The following MLIP variants were observed in gnomAD, a reference collection of about 807,000 sequenced individuals.
MLIP encodes the protein muscular LMNA interacting protein.
In MLIP, 79 loss-of-function variants were observed where a neutral mutation model predicts 84.8. That is an observed-to-expected ratio of 0.93 (90% confidence interval 0.78 to 1.12). The LOEUF (loss-of-function observed/expected upper bound fraction) is 1.12, where lower values mean the gene tolerates loss of function less well. Among genes scored for constraint, MLIP ranks in the 50% most tolerant of loss-of-function variants. The pLI is 0.00. For missense variants in MLIP, 1,257 were observed against 1,160.6 expected (o/e 1.08, Z -1.21); for synonymous variants, 504 against 463.0 (o/e 1.09, Z -1.14).
intron 1 of MLIP, among the ~76,000 whole-genome samples, chr6:54,037,143 C>T (rs1330841509): frequency 2.6e-5 from 4 of 152,014 alleles, no homozygotes; most frequent in East Asian, 1.9e-4. Flanking sequence ...TTTTACATGT[C>T]GTGCTGATTT....
At chr6:54,198,958 A>G (rs1372176027) in intron 10 of MLIP, among the ~76,000 whole-genome samples, 1 of 151,952 alleles carries the variant, frequency 6.6e-6, no homozygotes, top group Non-Finnish European at 1.5e-5. Context: ...TACAGTCACC[A>G]GGAACTGAAA....
In MLIP at chr6:54,249,680, TTTTGGGGAAATGTC is replaced by T. The variant is rs562332253; in HGVS notation, c.2923-7615_2923-7602del. On this transcript the variant is annotated intron_variant, in intron 12 of 13. Transcript: ENST00000502396. Reference sequence around the variant, plus strand: ...ACCTATTCTCAAGCAGCTTGCAGTCTTTTGGGGAAATGTCTTTGGGGAAATGAGGAACACACACA... The same window carrying T: ...ACCTATTCTCAAGCAGCTTGCAGTCTTTTGGGGAAATGAGGAACACACACA... 8.1e-4 allele frequency among the ~76,000 whole-genome samples: 123 copies of T among 151,520 alleles called. 1 individual carries two copies. The highest frequency in any genetic ancestry group is 1.6e-3 in the Non-Finnish European group (109 of 67,914).
intron 1 of MLIP, among the ~76,000 whole-genome samples, chr6:54,022,227 C>A (rs774502941): frequency 2.6e-5 from 4 of 152,130 alleles, no homozygotes; most frequent in Non-Finnish European, 5.9e-5. Context: ...ACACATTTCC[C>A]CTTGGAGACT....
chr6:54,257,190 C>A, intron 12 of MLIP, 118 bp from the exon 13 acceptor site: 1 of 698,334 alleles, frequency 1.4e-6, no homozygotes, highest in Non-Finnish European at 2.5e-6. Flanking sequence ...TTGGTAGAAT[C>A]CACTGTTATC....
rs75471833 is a variant in MLIP at position 54,126,462 on chromosome 6, C to G, written c.645+1597C>G. On this transcript the variant is annotated intron_variant, in intron 3 of 13. Coordinates refer to ENST00000502396, the MANE Select transcript of MLIP (RefSeq NM_001281747.2). ...GAGCTCTAAATAAAAAAGCAGAGCT[C>G]AACCTCATATATTAATTGTGGCTGA... Among the ~76,000 whole-genome samples the G allele has an allele frequency of 8.2e-4, 124 of 151,832 alleles. No individual in the cohort carries two copies. In the East Asian group the frequency reaches 0.012, roughly 14 times the overall value.
intron 8 of MLIP, among the ~76,000 whole-genome samples, chr6:54,161,864 T>C (rs1254252995): frequency 6.6e-6 from 1 of 151,886 alleles, no homozygotes; most frequent in Non-Finnish European, 1.5e-5. Context: ...AATCTAAAAC[T>C]TTGATTTGTC....
At chr6:54,193,872 G>A (rs574742384) in intron 10 of MLIP, among the ~76,000 whole-genome samples, 5 of 152,170 alleles carry the variant, frequency 3.3e-5, no homozygotes, top group East Asian at 1.9e-4. Context: ...AAAGGCCAGC[G>A]GGGTCTTTTT....
chr6:54,019,002 T>C, exon 1 of MLIP: 3 of 1,581,724 alleles, frequency 1.9e-6, no homozygotes, highest in Non-Finnish European at 2.6e-6. Flanking sequence ...TCTCTCAGTC[T>C]TTCTCTCTTT....
intron 1 of MLIP, among the ~76,000 whole-genome samples, chr6:54,092,229 TA>T (rs1212716785): frequency 6.6e-6 from 1 of 152,180 alleles, no homozygotes; most frequent in African/African-American, 2.4e-5. Context: ...CTTCCAGATT[TA>T]AATGGAACCA....
chr6:54,110,524 G>A (rs1769374414), upstream of MLIP, among the ~76,000 whole-genome samples: 1 of 152,074 alleles, frequency 6.6e-6, no homozygotes, highest in Non-Finnish European at 1.5e-5. Flanking sequence ...CTCCCACTGT[G>A]CTAATAGAAT....
chr6:54,040,671 CTATCAGTGG>C (rs1764693015), intron 1 of MLIP, among the ~76,000 whole-genome samples: 1 of 152,024 alleles, frequency 6.6e-6, no homozygotes, highest in Non-Finnish European at 1.5e-5. Context: ...ACCTAGGTGC[CTATCAGTGG>C]TGGATTAGAG....
chr6:54,101,831 G>A (rs1250657858), intron 1 of MLIP, among the ~76,000 whole-genome samples: 1 of 152,060 alleles, frequency 6.6e-6, no homozygotes, highest in African/African-American at 2.4e-5. Flanking sequence ...CTATTTTAAA[G>A]TTATATTCCA....
chr6:54,047,650 G>C (rs769658986), intron 1 of MLIP: 1 of 152,196 alleles, frequency 6.6e-6, no homozygotes, highest in African/African-American at 2.4e-5. Flanking sequence ...ACCTATCGAC[G>C]TGATGTCACT....
At chr6:54,189,514 T>C (rs151168213) in intron 9 of MLIP, among the ~76,000 whole-genome samples, 1 of 152,306 alleles carries the variant, frequency 6.6e-6, no homozygotes, top group Admixed American at 6.5e-5. Context: ...GATGCTGGTA[T>C]GTTTGATTAA....
intron 9 of MLIP, among the ~76,000 whole-genome samples, chr6:54,181,215 G>A (rs1481334013): frequency 6.6e-6 from 1 of 152,100 alleles, no homozygotes; most frequent in African/African-American, 2.4e-5. Context: ...TAGCACTCAA[G>A]CCACAATACA....
intron 1 of MLIP, among the ~76,000 whole-genome samples, chr6:54,048,400 A>T (rs1374896838): frequency 6.6e-6 from 1 of 152,116 alleles, no homozygotes; most frequent in Non-Finnish European, 1.5e-5. Flanking sequence ...CTTGGGGAGA[A>T]TGTGCATTTT....
At chr6:54,155,083 G>C (rs2150544283) in intron 5 of MLIP, among the ~76,000 whole-genome samples, 1 of 152,148 alleles carries the variant, frequency 6.6e-6, no homozygotes, top group East Asian at 1.9e-4. Flanking sequence ...ACCAACTAGA[G>C]TTCTTCAGTT....
chr6:54,057,112 C>A lies in MLIP; in HGVS notation c.63+38021C>A, dbSNP rs537466845. ...GGTGACTTTGGTATTACTTCTATCC[C>A]AGTTTTTCAGATCAAGAGACAAAGC... On this transcript the variant is annotated intron_variant, in intron 1 of 12. Transcript: ENST00000274897. Among the ~76,000 whole-genome samples the A allele has an allele frequency of 1.1e-4, 17 of 152,184 alleles. No homozygotes were observed. The East Asian group carries it at 2.5e-3, about 22-fold the overall frequency.
At chr6:54,195,600 A>G (rs1418924067) in intron 10 of MLIP, among the ~76,000 whole-genome samples, 1 of 152,072 alleles carries the variant, frequency 6.6e-6, no homozygotes, top group African/African-American at 2.4e-5. Context: ...AATAGTATCT[A>G]TTTACATAGT....
Sources: gnomAD v4.1 joint callset for allele counts (sites outside exome capture counted in the v4.1 genomes callset) on GRCh38, gnomAD v4.1.1 for gene constraint, MANE v1.5 for transcripts, NCBI Gene and HGNC (gene_info 2026-07-23, HGNC 2026-07-21) for gene names.